The following MAF variants were observed in gnomAD, a reference collection of about 807,000 sequenced individuals.
MAF encodes MAF bZIP transcription factor.
Under a neutral mutation model 22.0 loss-of-function variants are expected in MAF, and 10 were observed. That is an observed-to-expected ratio of 0.45 (90% CI 0.28 to 0.77). The LOEUF (loss-of-function observed/expected upper bound fraction) is 0.77. Ranked by LOEUF, MAF falls within the 30% of genes least tolerant of loss-of-function variation. The probability of loss-of-function intolerance (pLI) is 0.12; values close to 1 mark genes in which losing one functional copy is unlikely to be tolerated. For missense variants in MAF, 544 were observed against 548.4 expected, an observed-to-expected ratio of 0.99 and a Z score of 0.08; for synonymous variants, 337 against 255.8, an observed-to-expected ratio of 1.32 and a Z score of -3.03.
At chr16:79,561,802 G>C in the MAF span, among the ~76,000 whole-genome samples, 2 of 152,146 alleles carry the variant, frequency 1.3e-5, no homozygotes, top group Admixed American at 6.5e-5. Context: ...GAGAGGAGAC[G>C]GTGTGTTTGG....
chr16:79,574,523 C>A, the MAF span, among the ~76,000 whole-genome samples: 1 of 152,172 alleles, frequency 6.6e-6, no homozygotes, highest in African/African-American at 2.4e-5. Context: ...TCTCTTAGTT[C>A]AAGTGCTGGC....
chr16:79,447,707 T>A, the MAF span, among the ~76,000 whole-genome samples: 2 of 151,996 alleles, frequency 1.3e-5, no homozygotes, highest in Non-Finnish European at 2.9e-5. Flanking sequence ...CTAATTCTCA[T>A]GAACGACTAA....
At chr16:79,582,990 C>A (rs1474242287), downstream of MAF, among the ~76,000 whole-genome samples, 1 of 152,158 alleles carries the variant, frequency 6.6e-6, no homozygotes, top group Non-Finnish European at 1.5e-5. Context: ...TTTTGTATGG[C>A]ACCACGTGGT....
chr16:79,433,183 G>C, the MAF span, among the ~76,000 whole-genome samples: 2 of 151,660 alleles, frequency 1.3e-5, no homozygotes, highest in African/African-American at 4.8e-5. Context: ...TTGCCAAAGG[G>C]TGACTGTCAT....
At chr16:79,584,419 T>A (rs1376837782), downstream of MAF, among the ~76,000 whole-genome samples, 2 of 152,206 alleles carry the variant, frequency 1.3e-5, no homozygotes, top group Non-Finnish European at 2.9e-5. Flanking sequence ...AGATTCCCCA[T>A]CTGACCAAAT....
chr16:79,410,633 A>T, the MAF span, among the ~76,000 whole-genome samples: 2 of 152,238 alleles, frequency 1.3e-5, no homozygotes, highest in Non-Finnish European at 2.9e-5. Flanking sequence ...AACCAGTAAC[A>T]TGCATGGCTG....
chr16:79,236,563 C>T, the MAF span, among the ~76,000 whole-genome samples: 1 of 152,034 alleles, frequency 6.6e-6, no homozygotes, highest in African/African-American at 2.4e-5. Context: ...AAGTACATCT[C>T]ACACACTATG....
the MAF span, among the ~76,000 whole-genome samples, chr16:79,331,379 A>T: frequency 2.1e-4 from 32 of 152,340 alleles, no homozygotes; most frequent in African/African-American, 7.2e-4. Flanking sequence ...AGGGCATCAG[A>T]GTCATTCCAG....
the MAF span, among the ~76,000 whole-genome samples, chr16:79,350,518 T>A: frequency 6.6e-6 from 1 of 152,178 alleles, no homozygotes; most frequent in Non-Finnish European, 1.5e-5. Context: ...CAGCCCCCTT[T>A]GCAGTTAAAC....
At chr16:79,417,929 G>A in the MAF span, among the ~76,000 whole-genome samples, 1 of 152,060 alleles carries the variant, frequency 6.6e-6, no homozygotes, top group Non-Finnish European at 1.5e-5. Flanking sequence ...AAATTGCAGG[G>A]GTCCTCTGCT....
At chr16:79,548,572 C>T in the MAF span, among the ~76,000 whole-genome samples, 1 of 152,188 alleles carries the variant, frequency 6.6e-6, no homozygotes, top group Non-Finnish European at 1.5e-5. Context: ...TTAGTTACTC[C>T]ATGGCTGCAT....
chr16:79,430,798 C>T, the MAF span, among the ~76,000 whole-genome samples: 80 of 152,374 alleles, frequency 5.3e-4, no homozygotes, highest in African/African-American at 1.9e-3. Flanking sequence ...CTGCCTTTTA[C>T]ACGCATAGCT....
the MAF span, among the ~76,000 whole-genome samples, chr16:79,216,110 T>C: frequency 6.6e-6 from 1 of 152,152 alleles, no homozygotes; most frequent in African/African-American, 2.4e-5. Flanking sequence ...TTCTCCCCAT[T>C]TGTCATATGT....
At chr16:79,563,784 C>G in the MAF span, among the ~76,000 whole-genome samples, 16 of 151,918 alleles carry the variant, frequency 1.1e-4, no homozygotes, top group Non-Finnish European at 1.5e-5. Flanking sequence ...CGTGTGACCA[C>G]TGAGATGTTC....
Position 79,599,083 on chromosome 16 carries a change from G to T in MAF, c.820C>A (p.Leu274Met). ...EQLVTMSVRELNRQLRGVSKE... is the reference protein window; with the variant it reads ...EQLVTMSVREMNRQLRGVSKE... ...CTGACCCCGCGCAGCTGCCGGTTCA[G>T]CTCGCGCACAGACATGGTCACCAGC... is the stretch of plus-strand genomic sequence containing the variant. The change falls in exon 1 of 2, where the codon CTG becomes ATG. Residue 274 changes from leucine (L) to methionine (M), a missense_variant. Physicochemically the swap from Leu to Met is conservative, Grantham distance 15 (BLOSUM62 2). Around this residue, in one of 5 missense-constraint regions of MAF, gnomAD observed 342 missense variants for 315.5 expected, o/e 1.08. Coordinates refer to ENST00000326043, the MANE Select transcript of MAF (RefSeq NM_005360.5). 6.2e-7 allele frequency: 1 copy of T among 1,609,364 alleles called. No individual in the cohort carries two copies. The highest frequency in any genetic ancestry group is 1.3e-5 in the African/African-American group (1 of 74,858).
chr16:79,370,023 G>A, the MAF span, among the ~76,000 whole-genome samples: 1 of 152,174 alleles, frequency 6.6e-6, no homozygotes, highest in African/African-American at 2.4e-5. Flanking sequence ...CCGGGAGCCT[G>A]AAATAAAATG....
chr16:79,273,294 T>G, the MAF span, among the ~76,000 whole-genome samples: 121 of 152,290 alleles, frequency 7.9e-4, 1 homozygote, highest in African/African-American at 2.9e-3. Context: ...GCTCAGACAG[T>G]GCAGGGAAAG....
At chr16:79,580,614 C>G in the MAF span, among the ~76,000 whole-genome samples, 1 of 152,048 alleles carries the variant, frequency 6.6e-6, no homozygotes, top group Non-Finnish European at 1.5e-5. Context: ...CAGCTGGGAT[C>G]CCTCAGACCT....
chr16:79,498,565 A>C, the MAF span, among the ~76,000 whole-genome samples: 1 of 152,158 alleles, frequency 6.6e-6, no homozygotes, highest in Admixed American at 6.5e-5. Context: ...CCACTGTGCC[A>C]AGTGTTTGGT....
Sources: gnomAD v4.1 joint callset for allele counts (sites outside exome capture counted in the v4.1 genomes callset) on GRCh38, gnomAD v4.1.1 for gene constraint, gnomAD v4.1.1 regional missense constraint, MANE v1.5 for transcripts, NCBI Gene and HGNC (gene_info 2026-07-23, HGNC 2026-07-21) for gene names.